BORCS8: variants seen among roughly 807,000 people sequenced by gnomAD.
The protein encoded by BORCS8 is BLOC-1 related complex subunit 8.
Under a neutral mutation model 18.7 loss-of-function variants are expected in BORCS8, and 13 were observed. The observed-to-expected ratio is 0.70, with a 90% CI of 0.45 to 1.11. The LOEUF (loss-of-function observed/expected upper bound fraction) is 1.11, where lower values mean the gene tolerates loss of function less well. Ranked by LOEUF, BORCS8 falls within the 50% of genes least tolerant of loss-of-function variation. The pLI is 0.00. For missense variants in BORCS8, 165 were observed against 165.7 expected (o/e 1.00, Z 0.02); for synonymous variants, 68 against 64.8 (o/e 1.05, Z -0.24).
chr19:19,181,759 A>G (rs934107996), intron 4 of BORCS8: 1 of 648,682 alleles, frequency 1.5e-6, no homozygotes, highest in Non-Finnish European at 1.9e-6. Flanking sequence ...TTCGCGTCTT[A>G]GTTAAGCAAC....
chr19:19,185,153 T>G (rs1407286853), intron 3 of BORCS8, among the ~76,000 whole-genome samples: 1 of 152,254 alleles, frequency 6.6e-6, no homozygotes, highest in Admixed American at 6.5e-5. Flanking sequence ...GCAGCAGGAT[T>G]TCTTGTCTAG....
chr19:19,186,748 C>T (rs1381588508), intron 2 of BORCS8, 145 bp downstream of exon 2: 4 of 587,810 alleles, frequency 6.8e-6, no homozygotes, highest in African/African-American at 1.9e-5. Flanking sequence ...CTAATACACA[C>T]ATCTTGCCAT....
intron 1 of BORCS8, among the ~76,000 whole-genome samples, chr19:19,190,485 T>A (rs1163998860): frequency 6.6e-6 from 1 of 152,178 alleles, no homozygotes; most frequent in Non-Finnish European, 1.5e-5. Flanking sequence ...ATAGGCCTCC[T>A]CGCTTTGAAT....
intron 3 of BORCS8, among the ~76,000 whole-genome samples, chr19:19,183,313 G>C (rs1382215248): frequency 1.3e-5 from 2 of 152,020 alleles, no homozygotes; most frequent in East Asian, 3.9e-4. Context: ...GGGAGGCTGA[G>C]GCAGGAGAAT....
intron 1 of BORCS8, 86 bp downstream of exon 1, chr19:19,191,995 G>A (rs949066611): frequency 2.7e-6 from 4 of 1,496,640 alleles, no homozygotes; most frequent in African/African-American, 1.4e-5. Flanking sequence ...ACTGCTCCTC[G>A]CACGGTCCCT....
In BORCS8 at chr19:19,182,381, A is replaced by T; in HGVS notation, c.326+192T>A. On this transcript the variant is annotated intron_variant, in intron 4 of 5. Coordinates refer to ENST00000462790, the MANE Select transcript of BORCS8 (RefSeq NM_001145784.2). The surrounding 1 kb of genome is among the most constrained non-coding windows in gnomAD (Gnocchi z 4.1). ...CAGCCCAGGGCCAGGCACACAGCAG[A>T]GCGCAGGACCTCGGTATTAAGTGAC... 7.3e-7 allele frequency: 1 copy of T among 1,371,900 alleles called. No individual in the cohort carries two copies. The highest frequency in any genetic ancestry group is 9.5e-7 in the Non-Finnish European group (1 of 1,056,804). The allele number at this position is 1,371,900 out of a possible 1,614,324, so 85.0% of individuals were successfully genotyped here. A position where few individuals can be genotyped will look rare whatever the true frequency, so the allele number is the denominator to read the frequency against.
At chr19:19,183,409 CAA>C (rs748324832) in intron 3 of BORCS8, among the ~76,000 whole-genome samples, 9 of 115,916 alleles carry the variant, frequency 7.8e-5, no homozygotes, top group African/African-American at 6.4e-5. Context: ...GACTCCGTCT[CAA>C]AAAAAAAAAA....
chr19:19,180,759 G>C lies in BORCS8; in HGVS notation c.329C>G (p.Pro110Arg), dbSNP rs61115485. The change falls in exon 5 of 6, where the codon CCG becomes CGG. Residue 110 changes from proline to arginine, a missense_variant and splice_region_variant. By Grantham distance (103) the Pro-to-Arg change is moderately radical. Coordinates refer to ENST00000462790, the MANE Select transcript of BORCS8 (RefSeq NM_001145784.2). ...HMNASAQGHS[P>R]EEPPPPSSA ...TGAGGAGGGCGGGGGTGGTTCCTCCGGGCTGCAACAAAACATGTGCAGCAT... is the reference window on the plus strand; with the variant it reads ...TGAGGAGGGCGGGGGTGGTTCCTCCCGGCTGCAACAAAACATGTGCAGCAT... The C allele has an allele frequency of 4.8e-5, 75 of 1,547,512 alleles. No homozygotes were observed. Among genetic ancestry groups the C allele is most frequent in the Non-Finnish European group, 6.3e-5 (72 of 1,145,382 alleles).
chr19:19,188,574 A>C (rs369925829), intron 1 of BORCS8, among the ~76,000 whole-genome samples: 2 of 152,284 alleles, frequency 1.3e-5, no homozygotes, highest in Middle Eastern at 3.4e-3. Flanking sequence ...TCTTCAGAGC[A>C]TGCCCACAGG....
In BORCS8 at chr19:19,177,297, GAGA is replaced by G. The variant is rs113098427; in HGVS notation, c.*203_*205del. The stretch of plus-strand genomic sequence containing the variant: ...CTGCGAATGTCCAACTCAGCCTGTA[GAGA>G]AGGTGCAGTCCAGCCTTCCTTATCC... On this transcript the variant is annotated 3_prime_UTR_variant, in exon 6 of 6. Transcript: ENST00000462790. 2.8e-3 allele frequency: 430 copies of G among 152,030 alleles called. 1 individual carries two copies. The highest frequency in any genetic ancestry group is 9.8e-3 in the African/African-American group (406 of 41,418). 9.4% of individuals were successfully genotyped at this position (152,030 alleles called of 1,614,324 possible).
chr19:19,181,972 T>C, intron 4 of BORCS8: 1 of 985,488 alleles, frequency 1.0e-6, no homozygotes, highest in Non-Finnish European at 1.2e-6. Context: ...TCAAGGACTG[T>C]GAGTGCTTTT....
At position 19,182,410 on chromosome 19, in the gene BORCS8, A is replaced by G; in HGVS notation, c.326+163T>C. ...CAGGACCTCGGTATTAAGTGACTGA[A>G]CTCAGGTTATAGATGCCACAGGACA... On this transcript the variant is annotated intron_variant, in intron 4 of 5. Transcript: ENST00000462790. This position sits in a 1 kb window ranked among gnomAD's most constrained non-coding sequence, Gnocchi z 4.1. The G allele has an allele frequency of 7.1e-7, 1 of 1,417,398 alleles. No homozygotes were observed. The highest frequency in any genetic ancestry group is 9.2e-7 in the Non-Finnish European group (1 of 1,086,210). The allele number at this position is 1,417,398 out of a possible 1,614,324, so 87.8% of individuals were successfully genotyped here. A position where few individuals can be genotyped will look rare whatever the true frequency, so the allele number is the denominator to read the frequency against.
chr19:19,183,927 TG>T lies in BORCS8; in HGVS notation c.216-1245del, dbSNP rs2060378719. Among the ~76,000 whole-genome samples, 5 of 149,244 alleles carry T rather than the reference TG, an allele frequency of 3.4e-5. No individual in the cohort carries two copies. The South Asian group carries it at 1.1e-3, about 32-fold the overall frequency. On this transcript the variant is annotated intron_variant, in intron 3 of 5. Transcript: ENST00000462790. Reference sequence around the variant, plus strand: ...TTTTTTTTGAGACAAAGTCTCACTTTGTTGCCCAGACTGAGCACAATCTCAG... The same window carrying T: ...TTTTTTTTGAGACAAAGTCTCACTTTTTGCCCAGACTGAGCACAATCTCAG...
chr19:19,177,673 G>A (rs1236788353), intron 5 of BORCS8: 42 of 89,746 alleles, frequency 4.7e-4, no homozygotes, highest in Middle Eastern at 4.1e-3. Context: ...AGGAAGGAAG[G>A]AAGGAAGGAA....
chr19:19,180,631 C>T (rs1204141944), intron 5 of BORCS8, 55 bp downstream of exon 5: 15 of 1,231,850 alleles, frequency 1.2e-5, no homozygotes, highest in Admixed American at 2.0e-5. Flanking sequence ...GCCAAGCGGG[C>T]GGGTTGGTTA....
Position 19,192,128 on chromosome 19 carries a change from G to A in BORCS8, c.-11C>T, listed in dbSNP as rs1568572462. On this transcript the variant is annotated 5_prime_UTR_variant, in exon 1 of 6. Coordinates refer to ENST00000462790, the MANE Select transcript of BORCS8 (RefSeq NM_001145784.2). Reference sequence around the variant, plus strand: ...CTCCGGCTCCTCCATAGCGACCGCGGCCGAGCGAACCGGGAAACGGCACCG... The same window carrying A: ...CTCCGGCTCCTCCATAGCGACCGCGACCGAGCGAACCGGGAAACGGCACCG... 6.4e-7 allele frequency: 1 copy of A among 1,551,222 alleles called. No homozygotes were observed. Among genetic ancestry groups the A allele is most frequent in the Non-Finnish European group, 8.7e-7 (1 of 1,146,868 alleles).
intron 2 of BORCS8, 90 bp from the exon 3 acceptor site, chr19:19,186,188 G>C: frequency 8.1e-7 from 1 of 1,227,710 alleles, no homozygotes; most frequent in Non-Finnish European, 1.2e-6. Context: ...GCTCTCCTGA[G>C]TCCTCATGGT....
Position 19,182,393 on chromosome 19 carries a change from C to T in BORCS8, c.326+180G>A, listed in dbSNP as rs548236754. The stretch of plus-strand genomic sequence containing the variant: ...AGGCACACAGCAGAGCGCAGGACCT[C>T]GGTATTAAGTGACTGAACTCAGGTT... On this transcript the variant is annotated intron_variant, in intron 4 of 5. Transcript: ENST00000462790. This position sits in a 1 kb window ranked among gnomAD's most constrained non-coding sequence, Gnocchi z 4.1. 73 of 1,400,170 alleles carry T rather than the reference C, an allele frequency of 5.2e-5. No individual in the cohort carries two copies. The highest frequency in any genetic ancestry group is 3.8e-4 in the Admixed American group (13 of 34,510). The allele number at this position is 1,400,170 out of a possible 1,614,324, so 86.7% of individuals were successfully genotyped here. A position where few individuals can be genotyped will look rare whatever the true frequency, so the allele number is the denominator to read the frequency against.
intron 3 of BORCS8, among the ~76,000 whole-genome samples, chr19:19,183,009 T>C (rs1371757824): frequency 2.0e-5 from 3 of 152,170 alleles, no homozygotes; most frequent in Admixed American, 1.3e-4. Flanking sequence ...GGCACTGTGG[T>C]TCACACCTAT....
Sources: gnomAD v4.1 joint callset for allele counts (sites outside exome capture counted in the v4.1 genomes callset) on GRCh38, gnomAD v4.1.1 for gene constraint, Gnocchi (gnomAD v3.1) non-coding constraint, MANE v1.5 for transcripts, NCBI Gene and HGNC (gene_info 2026-07-23, HGNC 2026-07-21) for gene names.